Variants in PDE4B observed in about 807,000 individuals in gnomAD.
PDE4B encodes phosphodiesterase 4B.
A neutral mutation model predicts 82.2 loss-of-function variants in PDE4B; 20 were observed. The observed-to-expected ratio is 0.24, with a 90% confidence interval of 0.17 to 0.35. PDE4B has a LOEUF of 0.35. Among genes scored for constraint, PDE4B ranks in the 10% least tolerant of loss-of-function variants. The pLI, the probability that PDE4B is intolerant of heterozygous loss-of-function variation, is 1.00. For synonymous variants in PDE4B, 320 were observed against 318.9 expected, an observed-to-expected ratio of 1.00 and a Z score of -0.04; for missense variants, 655 against 907.2, an observed-to-expected ratio of 0.72 and a Z score of 3.57.
Position 66,167,711 on chromosome 1 carries a change from T to C in PDE4B, c.282-79749T>C, listed in dbSNP as rs907918849. On this transcript the variant is annotated intron_variant, in intron 3 of 16. Coordinates refer to ENST00000341517, the MANE Select transcript of PDE4B (RefSeq NM_002600.4). ...GAAAAAGAAAATAGGTTACTTCCTT[T>C]CCATTTTCAAGAGTACAAGCAAAGT... 7.2e-5 allele frequency among the ~76,000 whole-genome samples: 11 copies of C among 152,344 alleles called. 1 individual carries two copies. Among genetic ancestry groups the C allele is most frequent in the Admixed American group, 7.2e-4 (11 of 15,306 alleles).
rs542455043 is a variant in PDE4B, at chr1:66,199,771, A to G, written c.282-47689A>G. Among the ~76,000 whole-genome samples, 7 of 152,288 alleles carry G rather than the reference A, an allele frequency of 4.6e-5. No individual in the cohort carries two copies. In the East Asian group the frequency reaches 1.4e-3, roughly 29 times the overall value. Reference sequence around the variant, plus strand: ...TTAAATTACCAAGAGTGATACTCCTATTTGGTAATTTCAAGAGGGACTGCA... The same window carrying G: ...TTAAATTACCAAGAGTGATACTCCTGTTTGGTAATTTCAAGAGGGACTGCA... On this transcript the variant is annotated intron_variant, in intron 3 of 16. Transcript: ENST00000341517.
In PDE4B at chr1:66,277,404, T is replaced by C. The variant is rs567400096; in HGVS notation, c.634+11317T>C. ...TTATTTTATTATTTATTTATTTATT[T>C]TTTGTTTTTGAGACAGAGTCTTGCT... On this transcript the variant is annotated intron_variant, in intron 7 of 16. Coordinates refer to ENST00000341517, the MANE Select transcript of PDE4B (RefSeq NM_002600.4). 1.7e-4 allele frequency among the ~76,000 whole-genome samples: 26 copies of C among 152,252 alleles called. No individual in the cohort carries two copies. The East Asian group carries it at 4.8e-3, about 28-fold the overall frequency.
chr1:65,839,914 C>T (rs1646187450), intron 1 of PDE4B, among the ~76,000 whole-genome samples: 2 of 152,142 alleles, frequency 1.3e-5, no homozygotes, highest in South Asian at 4.1e-4. Context: ...CCTATTTCTC[C>T]ACATCCTCTC....
chr1:65,838,623 ATG>A (rs1646172328), intron 1 of PDE4B, among the ~76,000 whole-genome samples: 1 of 148,838 alleles, frequency 6.7e-6, no homozygotes, highest in African/African-American at 2.4e-5. Context: ...GTGTATATAT[ATG>A]TGTGTATATA....
intron 1 of PDE4B, among the ~76,000 whole-genome samples, chr1:65,814,440 T>C (rs911911631): frequency 6.6e-6 from 1 of 152,224 alleles, no homozygotes; most frequent in Non-Finnish European, 1.5e-5. Context: ...TAATGCTTTT[T>C]TTTAAAAGAA....
intron 3 of PDE4B, among the ~76,000 whole-genome samples, chr1:66,207,832 A>G (rs779922757): frequency 6.6e-6 from 1 of 152,218 alleles, no homozygotes; most frequent in Non-Finnish European, 1.5e-5. Context: ...TGTAATTACA[A>G]AATACTCTTT....
intron 7 of PDE4B, among the ~76,000 whole-genome samples, chr1:66,318,341 C>T (rs1252689367): frequency 6.6e-6 from 1 of 152,182 alleles, no homozygotes; most frequent in Non-Finnish European, 1.5e-5. Context: ...GTCTCTCACA[C>T]ACTGCCTGAC....
chr1:65,936,944 CACAGCTTA>C (rs890025967), intron 3 of PDE4B, among the ~76,000 whole-genome samples: 1 of 152,172 alleles, frequency 6.6e-6, no homozygotes, highest in African/African-American at 2.4e-5. Context: ...TGCAAATGCT[CACAGCTTA>C]ATGATACCAT....
At chr1:66,162,659 A>T (rs1646640841) in intron 3 of PDE4B, among the ~76,000 whole-genome samples, 1 of 152,150 alleles carries the variant, frequency 6.6e-6, no homozygotes, top group Non-Finnish European at 1.5e-5. Flanking sequence ...TGCCAAATTT[A>T]AAAATCTGAA....
At chr1:65,997,242 T>C (rs1163929666) in intron 3 of PDE4B, among the ~76,000 whole-genome samples, 1 of 148,842 alleles carries the variant, frequency 6.7e-6, no homozygotes, top group Non-Finnish European at 1.5e-5. Context: ...CTGTCCATGC[T>C]TGCACACAGG....
chr1:66,075,296 G>C (rs113563623), intron 3 of PDE4B, among the ~76,000 whole-genome samples: 3 of 152,128 alleles, frequency 2.0e-5, no homozygotes, highest in African/African-American at 7.2e-5. Context: ...GCTGGGCTAT[G>C]AACATTTTTG....
intron 1 of PDE4B, among the ~76,000 whole-genome samples, chr1:65,885,009 T>C (rs143918856): frequency 0.019 from 2,916 of 151,896 alleles, 112 homozygotes; most frequent in East Asian, 0.13. Flanking sequence ...CAAATAAATT[T>C]ACAAGAAAAA....
At chr1:66,225,375 C>T (rs1651366477) in intron 3 of PDE4B, among the ~76,000 whole-genome samples, 1 of 152,192 alleles carries the variant, frequency 6.6e-6, no homozygotes. Flanking sequence ...CCTCATTTTA[C>T]TCTTCTCAGT....
chr1:65,820,776 A>G (rs4310419), intron 1 of PDE4B, among the ~76,000 whole-genome samples: 106,456 of 152,052 alleles, frequency 0.7, 38,714 homozygotes, highest in Non-Finnish European at 0.81. Flanking sequence ...AGTATTGACA[A>G]TCAATGGTAG....
chr1:66,366,616 G>A (rs1215832483), intron 13 of PDE4B, among the ~76,000 whole-genome samples: 1 of 152,146 alleles, frequency 6.6e-6, no homozygotes, highest in African/African-American at 2.4e-5. Context: ...ACCTAGGTTT[G>A]GAGTACACTG....
chr1:66,054,226 G>A (rs1655186184), intron 3 of PDE4B, among the ~76,000 whole-genome samples: 1 of 152,082 alleles, frequency 6.6e-6, no homozygotes, highest in African/African-American at 2.4e-5. Context: ...AATATGTTTG[G>A]ATAGGTAATC....
chr1:66,104,928 A>C (rs1438739579), intron 3 of PDE4B, among the ~76,000 whole-genome samples: 1 of 147,536 alleles, frequency 6.8e-6, no homozygotes, highest in Admixed American at 6.8e-5. Context: ...TGCTGTGCAG[A>C]AGCTCTTTAG....
intron 3 of PDE4B, among the ~76,000 whole-genome samples, chr1:66,013,484 T>A (rs1162794799): frequency 6.6e-6 from 1 of 152,154 alleles, no homozygotes; most frequent in Non-Finnish European, 1.5e-5. Flanking sequence ...TAAATTTAAG[T>A]GTGGTGAAAC....
In PDE4B at chr1:66,277,184, T is replaced by C. The variant is rs17128734; in HGVS notation, c.634+11097T>C. Among the ~76,000 whole-genome samples the C allele has an allele frequency of 7.3e-3, 1,110 of 152,164 alleles. 39 individuals are homozygous for C. In the East Asian group the frequency reaches 0.11, roughly 15 times the overall value. On this transcript the variant is annotated intron_variant, in intron 7 of 16. Transcript: ENST00000341517. ...GAGAGAGTAACCAACACCTCAGAGA[T>C]GCCACAGCCAGAGAACTGGGCACTT...
Sources: allele counts gnomAD v4.1 joint callset (sites outside exome capture counted in the v4.1 genomes callset), GRCh38; gene constraint gnomAD v4.1.1; transcripts MANE v1.5; gene names NCBI Gene and HGNC (gene_info 2026-07-23, HGNC 2026-07-21).